ADGRD1: variants seen among roughly 807,000 people sequenced by gnomAD.
ADGRD1 encodes the protein adhesion G protein-coupled receptor D1, also known as G-protein coupled receptor 133.
A neutral mutation model predicts 113.4 loss-of-function variants in ADGRD1; 77 were observed. The observed-to-expected ratio is 0.68, with a 90% CI of 0.57 to 0.82. The LOEUF (loss-of-function observed/expected upper bound fraction) is 0.82. ADGRD1 is among the 40% of genes least tolerant of loss of function. The pLI is 0.00. For missense variants in ADGRD1, 1,036 were observed against 1,139.1 expected, an observed-to-expected ratio of 0.91 and a Z score of 1.30; for synonymous variants, 474 against 475.0, an observed-to-expected ratio of 1.00 and a Z score of 0.03.
chr12:131,112,781 G>C (rs1441969481), intron 18 of ADGRD1, among the ~76,000 whole-genome samples: 1 of 152,202 alleles, frequency 6.6e-6, no homozygotes, highest in Non-Finnish European at 1.5e-5. Context: ...GGCACTGGGT[G>C]GGGGAAATCG....
chr12:131,132,969 C>A (rs1316561549), intron 21 of ADGRD1, among the ~76,000 whole-genome samples: 1 of 152,206 alleles, frequency 6.6e-6, no homozygotes, highest in Admixed American at 6.5e-5. Flanking sequence ...GTAATGAATT[C>A]CAAACACCAT....
chr12:130,971,612 A>G lies in ADGRD1; in HGVS notation c.310+32A>G. 6.3e-7 allele frequency: 1 copy of G among 1,575,252 alleles called. No homozygotes were observed. Among genetic ancestry groups the G allele is most frequent in the Non-Finnish European group, 8.6e-7 (1 of 1,160,386 alleles). ...GGCTGATCCCTGCGGCATCTTTGTC[A>G]AGCATTTCATTCTCAGGGAGCACCT... On this transcript the variant is annotated intron_variant, in intron 4 of 24. Coordinates refer to ENST00000261654, the MANE Select transcript of ADGRD1 (RefSeq NM_198827.5). The surrounding 1 kb of genome is among the most constrained non-coding windows in gnomAD (Gnocchi z 4.2).
At chr12:131,028,975 C>G (rs1458862441) in intron 13 of ADGRD1, among the ~76,000 whole-genome samples, 1 of 152,230 alleles carries the variant, frequency 6.6e-6, no homozygotes, top group Non-Finnish European at 1.5e-5. Flanking sequence ...ATGGGTGGGG[C>G]TCGGCAGTGC....
At chr12:130,972,721 G>A (rs1444783731) in intron 4 of ADGRD1, among the ~76,000 whole-genome samples, 1 of 143,294 alleles carries the variant, frequency 7.0e-6, no homozygotes, top group Admixed American at 6.7e-5. Flanking sequence ...CGGGAAGGGC[G>A]GGGGCATATC....
At chr12:131,129,985 G>A (rs148375528) in intron 20 of ADGRD1, among the ~76,000 whole-genome samples, 1 of 152,360 alleles carries the variant, frequency 6.6e-6, no homozygotes, top group Non-Finnish European at 1.5e-5. Context: ...ATCCCCACTC[G>A]AAGTAATAAC....
intron 13 of ADGRD1, among the ~76,000 whole-genome samples, chr12:131,064,724 T>C (rs1382807033): frequency 6.6e-6 from 1 of 152,244 alleles, no homozygotes; most frequent in Non-Finnish European, 1.5e-5. Flanking sequence ...GAAAAGACCC[T>C]TTCGCTACTC....
At chr12:130,969,802 A>C (rs1368420157) in intron 3 of ADGRD1, 1 of 152,246 alleles carries the variant, frequency 6.6e-6, no homozygotes, top group Non-Finnish European at 1.5e-5. Context: ...GGACCACTGC[A>C]CTAGAAGGTA....
At position 131,060,790 on chromosome 12, in the gene ADGRD1, C is replaced by T. The variant is rs565626424; in HGVS notation, c.1474-16011C>T. On this transcript the variant is annotated intron_variant, in intron 13 of 24. Transcript: ENST00000261654. The surrounding 1 kb of genome is among the most constrained non-coding windows in gnomAD (Gnocchi z 4.4). ...TGCGGAATGTAAAATCACTTATGAT[C>T]TCACTGCCTGGAGATCCCATTGCCT... 1.3e-5 allele frequency among the ~76,000 whole-genome samples: 2 copies of T among 152,248 alleles called. No individual in the cohort carries two copies. Among genetic ancestry groups the T allele is most frequent in the African/African-American group, 4.8e-5 (2 of 41,540 alleles).
intron 15 of ADGRD1, among the ~76,000 whole-genome samples, chr12:131,104,505 C>T (rs1024198264): frequency 1.3e-5 from 2 of 152,304 alleles, no homozygotes; most frequent in Middle Eastern, 3.4e-3. Flanking sequence ...GACTGTTAGT[C>T]TGCAGCCCTG....
chr12:131,082,549 G>A (rs10773845), intron 14 of ADGRD1, among the ~76,000 whole-genome samples: 46,318 of 151,720 alleles, frequency 0.31, 8,522 homozygotes, highest in East Asian at 0.67. Flanking sequence ...CCGTGGCTAC[G>A]TTCACCTAAT....
chr12:131,009,233 G>A (rs1435034896), intron 12 of ADGRD1, among the ~76,000 whole-genome samples: 3 of 152,250 alleles, frequency 2.0e-5, no homozygotes, highest in Admixed American at 1.3e-4. Context: ...GCATACTCCT[G>A]TCAGATGCAT....
Position 131,014,343 on chromosome 12 carries a change from G to T in ADGRD1, c.1473+3G>T. On this transcript the variant is annotated splice_donor_region_variant and intron_variant, in intron 13 of 24. Coordinates refer to ENST00000261654, the MANE Select transcript of ADGRD1 (RefSeq NM_198827.5). ...CGGTCCACCTCAAGCACAGATTGGT[G>T]AGTGGCGGTGCCTTCACCCTTGTCG... 6.2e-7 allele frequency: 1 copy of T among 1,611,180 alleles called. No homozygotes were observed. Among genetic ancestry groups the T allele is most frequent in the Non-Finnish European group, 8.5e-7 (1 of 1,178,256 alleles).
At chr12:131,114,219 G>C (rs1048972380) in intron 18 of ADGRD1, among the ~76,000 whole-genome samples, 5 of 152,156 alleles carry the variant, frequency 3.3e-5, no homozygotes, top group Non-Finnish European at 7.4e-5. Flanking sequence ...CACAATGCTG[G>C]AGGGAAAAAA....
intron 15 of ADGRD1, among the ~76,000 whole-genome samples, chr12:131,098,965 T>A (rs1418963905): frequency 1.3e-5 from 2 of 152,162 alleles, no homozygotes; most frequent in East Asian, 3.9e-4. Context: ...AGTGTCCTCA[T>A]CTGTAAAGGG....
intron 13 of ADGRD1, among the ~76,000 whole-genome samples, chr12:131,051,285 A>G (rs1883361056): frequency 2.0e-5 from 3 of 152,160 alleles, no homozygotes; most frequent in Non-Finnish European, 4.4e-5. Flanking sequence ...TGACATCAAC[A>G]ATAGCCAATG....
intron 4 of ADGRD1, chr12:130,980,976 C>T (rs2136590707): frequency 6.6e-6 from 1 of 152,356 alleles, no homozygotes; most frequent in East Asian, 1.9e-4. Flanking sequence ...TCCTCCCCCG[C>T]AGCGTGGGCC....
At chr12:130,955,107 G>A (rs1869378850) in intron 2 of ADGRD1, among the ~76,000 whole-genome samples, 1 of 116,514 alleles carries the variant, frequency 8.6e-6, no homozygotes, top group African/African-American at 3.2e-5. Flanking sequence ...TCACAGGTGT[G>A]CACCACTACA....
chr12:131,045,802 C>T (rs547186096), intron 13 of ADGRD1, among the ~76,000 whole-genome samples: 17 of 152,274 alleles, frequency 1.1e-4, no homozygotes, highest in African/African-American at 3.9e-4. Context: ...AGCTGCCCTG[C>T]GGTCCTCAGG....
chr12:131,035,261 G>A lies in ADGRD1; in HGVS notation c.1473+20921G>A, dbSNP rs545989811. Reference sequence around the variant, plus strand: ...CTTTCCCAGCGCTCCTGGACCGGGTGGGCTCACCGCGCTGTGTCCTGTCCC... The same window carrying A: ...CTTTCCCAGCGCTCCTGGACCGGGTAGGCTCACCGCGCTGTGTCCTGTCCC... On this transcript the variant is annotated intron_variant, in intron 13 of 24. Coordinates refer to ENST00000261654, the MANE Select transcript of ADGRD1 (RefSeq NM_198827.5). 7.2e-5 allele frequency: 11 copies of A among 152,666 alleles called. No homozygotes were observed. The South Asian group carries it at 1.0e-3, about 14-fold the overall frequency. The allele number at this position is 152,666 out of a possible 1,614,324, so 9.5% of individuals were successfully genotyped here. A position where few individuals can be genotyped will look rare whatever the true frequency, so the allele number is the denominator to read the frequency against.
Sources: allele counts gnomAD v4.1 joint callset (sites outside exome capture counted in the v4.1 genomes callset), GRCh38; gene constraint gnomAD v4.1.1; non-coding constraint Gnocchi (gnomAD v3.1); transcripts MANE v1.5; gene names NCBI Gene and HGNC (gene_info 2026-07-23, HGNC 2026-07-21).